NDST4: variants seen among roughly 807,000 people sequenced by gnomAD.
NDST4 encodes N-heparan sulfate sulfotransferase 4.
NDST4 carries 63 observed loss-of-function variants against 100.8 expected under a neutral mutation model. That is an observed-to-expected ratio of 0.62 (90% CI 0.51 to 0.77). The LOEUF (loss-of-function observed/expected upper bound fraction) is 0.77, where lower values mean the gene tolerates loss of function less well. NDST4 is among the 30% of genes least tolerant of loss of function. The pLI is 0.00. For synonymous variants in NDST4, 377 were observed against 361.8 expected (o/e 1.04, Z -0.48); for missense variants, 943 against 1,018.4 (o/e 0.93, Z 1.01).
chr4:114,978,760 A>T (rs961531589), intron 2 of NDST4, among the ~76,000 whole-genome samples: 3 of 151,358 alleles, frequency 2.0e-5, no homozygotes, highest in African/African-American at 4.9e-5. Flanking sequence ...CTTGATTTTT[A>T]AAAAAATTTC....
chr4:114,831,605 C>T (rs918141816), intron 12 of NDST4, among the ~76,000 whole-genome samples: 1 of 152,092 alleles, frequency 6.6e-6, no homozygotes, highest in East Asian at 1.9e-4. Flanking sequence ...CAGGTAATGC[C>T]GAGGTCTCAG....
At chr4:114,964,147 T>A (rs543245478) in intron 4 of NDST4, among the ~76,000 whole-genome samples, 1 of 152,198 alleles carries the variant, frequency 6.6e-6, no homozygotes. Context: ...TGAGCTGCCA[T>A]CCTGAATGAC....
At chr4:115,070,989 C>T (rs191204181) in intron 2 of NDST4, among the ~76,000 whole-genome samples, 3 of 151,968 alleles carry the variant, frequency 2.0e-5, no homozygotes, top group Non-Finnish European at 4.4e-5. Context: ...CCTGTAGTCC[C>T]AGCTACTCGG....
At chr4:115,038,330 CA>C (rs1295664999) in intron 2 of NDST4, among the ~76,000 whole-genome samples, 1 of 151,786 alleles carries the variant, frequency 6.6e-6, no homozygotes, top group Non-Finnish European at 1.5e-5. Flanking sequence ...TAGTGACAGC[CA>C]AAAGGAGAAA....
intron 6 of NDST4, among the ~76,000 whole-genome samples, chr4:114,914,809 T>A (rs538220438): frequency 2.0e-5 from 3 of 152,240 alleles, no homozygotes; most frequent in African/African-American, 7.2e-5. Flanking sequence ...TTAATCACTG[T>A]TTTTTTAAAA....
At chr4:115,105,294 G>A (rs1413525404) in intron 1 of NDST4, among the ~76,000 whole-genome samples, 1 of 152,020 alleles carries the variant, frequency 6.6e-6, no homozygotes, top group Non-Finnish European at 1.5e-5. Flanking sequence ...ATGTTGACAT[G>A]TTATCTTTCT....
Position 114,935,339 on chromosome 4 carries a change from G to A in NDST4, c.1408-5C>T, listed in dbSNP as rs777864771. 6 of 1,563,790 alleles carry A rather than the reference G, an allele frequency of 3.8e-6. No homozygotes were observed. The African/African-American group carries it at 6.9e-5, about 18-fold the overall frequency. ...ACAAGTCTGTCGAGGGAGGACCTGA[G>A]TAAAAAAGGGGAAAAACAGCACATG... On this transcript the variant is annotated splice_polypyrimidine_tract_variant and splice_region_variant and intron_variant, in intron 5 of 13. Transcript: ENST00000264363.
chr4:114,897,620 C>G (rs546066154), intron 6 of NDST4, among the ~76,000 whole-genome samples: 1 of 152,242 alleles, frequency 6.6e-6, no homozygotes, highest in Non-Finnish European at 1.5e-5. Flanking sequence ...GGTCTTATGG[C>G]AACTGTATGT....
intron 1 of NDST4, among the ~76,000 whole-genome samples, chr4:115,108,081 A>G (rs1203872145): frequency 6.6e-6 from 1 of 152,144 alleles, no homozygotes; most frequent in Non-Finnish European, 1.5e-5. Context: ...TGACATAACT[A>G]TTAGTGAAAG....
chr4:114,900,118 T>G (rs763200921), intron 6 of NDST4, among the ~76,000 whole-genome samples: 2 of 152,174 alleles, frequency 1.3e-5, no homozygotes, highest in Non-Finnish European at 2.9e-5. Flanking sequence ...TATGTAGACA[T>G]GGAGTTGTTC....
intron 11 of NDST4, among the ~76,000 whole-genome samples, chr4:114,838,049 A>G (rs544375741): frequency 1.3e-5 from 2 of 152,310 alleles, no homozygotes; most frequent in South Asian, 4.1e-4. Flanking sequence ...CATTTATGTG[A>G]TCAACAAACA....
chr4:114,968,805 T>C (rs533858107), intron 4 of NDST4, among the ~76,000 whole-genome samples: 40 of 152,300 alleles, frequency 2.6e-4, no homozygotes, highest in African/African-American at 9.4e-4. Context: ...CACTCCAGAA[T>C]TGGCTTAAAG....
intron 6 of NDST4, among the ~76,000 whole-genome samples, chr4:114,890,283 T>C (rs1724566030): frequency 6.6e-6 from 1 of 152,082 alleles, no homozygotes; most frequent in Non-Finnish European, 1.5e-5. Flanking sequence ...TATTTATAAA[T>C]CTAATGCAAT....
chr4:115,080,653 C>CT (rs1204988768), intron 1 of NDST4, among the ~76,000 whole-genome samples: 2 of 136,028 alleles, frequency 1.5e-5, no homozygotes, highest in African/African-American at 6.5e-5. Context: ...TAAATAAAAA[C>CT]TCATTAAAAG....
At chr4:114,835,030 G>A (rs1222413565) in intron 11 of NDST4, among the ~76,000 whole-genome samples, 1 of 151,980 alleles carries the variant, frequency 6.6e-6, no homozygotes, top group African/African-American at 2.4e-5. Flanking sequence ...CTAGCTAGTG[G>A]TCCATATATT....
At chr4:114,967,632 G>T (rs952940325) in intron 4 of NDST4, among the ~76,000 whole-genome samples, 1 of 152,070 alleles carries the variant, frequency 6.6e-6, no homozygotes, top group African/African-American at 2.4e-5. Flanking sequence ...CAAGGTAAGT[G>T]TCCTGAGAGA....
chr4:114,959,208 A>T (rs1329617052), intron 4 of NDST4, among the ~76,000 whole-genome samples: 3 of 152,204 alleles, frequency 2.0e-5, no homozygotes, highest in African/African-American at 7.2e-5. Flanking sequence ...AAAATTTCCA[A>T]CAATTTCATC....
chr4:115,019,671 C>CA (rs1727766005), intron 2 of NDST4, among the ~76,000 whole-genome samples: 1 of 152,060 alleles, frequency 6.6e-6, no homozygotes, highest in Non-Finnish European at 1.5e-5. Context: ...AATGGCCCCT[C>CA]AAAAACCCAT....
chr4:114,995,682 C>T (rs568992468), intron 2 of NDST4, among the ~76,000 whole-genome samples: 5 of 152,014 alleles, frequency 3.3e-5, no homozygotes, highest in African/African-American at 1.2e-4. Flanking sequence ...TATCAGAATG[C>T]TTCTGTTTTT....
Sources: allele counts gnomAD v4.1 joint callset (sites outside exome capture counted in the v4.1 genomes callset), GRCh38; gene constraint gnomAD v4.1.1; transcripts MANE v1.5; gene names NCBI Gene and HGNC (gene_info 2026-07-23, HGNC 2026-07-21).